KCNQ1: variants seen among roughly 807,000 people sequenced by gnomAD.
The protein encoded by KCNQ1 is potassium voltage-gated channel subfamily KQT member 1.
A neutral mutation model predicts 72.4 loss-of-function variants in KCNQ1; 49 were observed. The observed-to-expected ratio is 0.68, with a 90% CI of 0.54 to 0.86. The LOEUF (loss-of-function observed/expected upper bound fraction) is 0.86, where lower values mean the gene tolerates loss of function less well. Ranked by LOEUF, KCNQ1 falls within the 40% of genes least tolerant of loss-of-function variation. The pLI is 0.00. For synonymous variants in KCNQ1, 450 were observed against 412.6 expected, an observed-to-expected ratio of 1.09 and a Z score of -1.10; for missense variants, 790 against 945.1, an observed-to-expected ratio of 0.84 and a Z score of 2.15.
intron 12 of KCNQ1, among the ~76,000 whole-genome samples, chr11:2,770,122 C>T (rs1437179421): frequency 6.6e-6 from 1 of 152,170 alleles, no homozygotes; most frequent in Non-Finnish European, 1.5e-5. Context: ...GGTCCCCCTG[C>T]AGCCATGTCT....
chr11:2,450,037 G>C lies in KCNQ1; in HGVS notation c.386+4553G>C, dbSNP rs902097940. Among the ~76,000 whole-genome samples the C allele has an allele frequency of 6.6e-6, 1 of 152,190 alleles. No homozygotes were observed. The highest frequency in any genetic ancestry group is 1.5e-5 in the Non-Finnish European group (1 of 68,016). On this transcript the variant is annotated intron_variant, in intron 1 of 15. Coordinates refer to ENST00000155840, the MANE Select transcript of KCNQ1 (RefSeq NM_000218.3). The surrounding 1 kb of genome is among the most constrained non-coding windows in gnomAD (Gnocchi z 7.9). Reference sequence around the variant, plus strand: ...GTGCAGATGCACACGTCCTGGTCCTGAGCCCCTGCTCGGCCCTAGGCAGGG... The same window carrying C: ...GTGCAGATGCACACGTCCTGGTCCTCAGCCCCTGCTCGGCCCTAGGCAGGG...
At chr11:2,812,358 T>A (rs1025872846) in intron 15 of KCNQ1, among the ~76,000 whole-genome samples, 2 of 151,790 alleles carry the variant, frequency 1.3e-5, no homozygotes, top group African/African-American at 4.8e-5. Flanking sequence ...CCCTGAGACC[T>A]GGGACGCCGA....
At chr11:2,699,050 G>C in intron 11 of KCNQ1, 1 of 398,554 alleles carries the variant, frequency 2.5e-6, no homozygotes, top group Non-Finnish European at 4.4e-6. Context: ...GTCCCAATTC[G>C]GGCTTTGACT....
In KCNQ1 at chr11:2,654,290, TGA is replaced by T. The variant is rs766629068; in HGVS notation, c.1394-7667_1394-7666del. On this transcript the variant is annotated intron_variant, in intron 10 of 15. Coordinates refer to ENST00000155840, the MANE Select transcript of KCNQ1 (RefSeq NM_000218.3). The surrounding 1 kb of genome is among the most constrained non-coding windows in gnomAD (Gnocchi z 6.4). ...ATCCGCAGGGCTTTGGTGAATCCAC[TGA>T]GAGGGGGAGATTTCTTGAGGGGGCC... 5 of 397,366 alleles carry T rather than the reference TGA, an allele frequency of 1.3e-5. No individual in the cohort carries two copies. The highest frequency in any genetic ancestry group is 6.2e-5 in the African/African-American group (3 of 48,324). The allele number at this position is 397,366 out of a possible 1,614,324, so 24.6% of individuals were successfully genotyped here.
chr11:2,622,179 CTG>C, intron 10 of KCNQ1: 1 of 398,358 alleles, frequency 2.5e-6, no homozygotes, highest in Admixed American at 4.4e-5. Context: ...TATTGTAGAA[CTG>C]TCTTTCTCAC....
At position 2,778,037 on chromosome 11, in the gene KCNQ1, G is replaced by A. The variant is rs794728539; in HGVS notation, c.1794G>A (p.Lys598=). The A allele has an allele frequency of 1.9e-6, 3 of 1,613,596 alleles. No homozygotes were observed. Among genetic ancestry groups the A allele is most frequent in the Non-Finnish European group, 2.5e-6 (3 of 1,179,990 alleles). Residue 598 remains lysine, a splice_region_variant and synonymous_variant, in exon 15 of 16, where the codon AAG becomes AAA. Transcript: ENST00000155840. ...IGARLNRVED[K]VTQLDQRLAL... is the part of the protein sequence containing the mutation. ...CCCGCCTGAACCGAGTAGAAGACAAGGTAGGCTCACGCGCCGGCCTGCGGT... is the reference window on the plus strand; with the variant it reads ...CCCGCCTGAACCGAGTAGAAGACAAAGTAGGCTCACGCGCCGGCCTGCGGT...
chr11:2,655,198 C>T lies in KCNQ1; in HGVS notation c.1394-6763C>T, dbSNP rs1259435670. 5.3e-5 allele frequency: 21 copies of T among 398,542 alleles called. No homozygotes were observed. In the East Asian group the frequency reaches 6.8e-4, roughly 13 times the overall value. The allele number at this position is 398,542 out of a possible 1,614,324, so 24.7% of individuals were successfully genotyped here. A position where few individuals can be genotyped will look rare whatever the true frequency, so the allele number is the denominator to read the frequency against. The stretch of plus-strand genomic sequence containing the variant: ...TGAGAGGGTGAGACTTGGCAGCCAG[C>T]GTCCCCAGCTGGGGTAGTCGCCACG... On this transcript the variant is annotated intron_variant, in intron 10 of 15. Transcript: ENST00000155840.
intron 11 of KCNQ1, chr11:2,666,329 T>C (rs1850066662): frequency 2.5e-6 from 1 of 398,624 alleles, no homozygotes; most frequent in Admixed American, 4.4e-5. Context: ...ACCAGGTGAC[T>C]GTGAGCACCT....
rs1315688675 is a variant in KCNQ1 at position 2,537,845 on chromosome 11, A to C, written c.477+9827A>C. The stretch of plus-strand genomic sequence containing the variant: ...GTGTTCCCACTTCAGCCTCCTGAGC[A>C]GCTGGGACTGTGGGTGCGTGCCACC... On this transcript the variant is annotated intron_variant, in intron 2 of 15. Coordinates refer to ENST00000155840, the MANE Select transcript of KCNQ1 (RefSeq NM_000218.3). This position sits in a 1 kb window ranked among gnomAD's most constrained non-coding sequence, Gnocchi z 5.2. Among the ~76,000 whole-genome samples, 1 of 152,104 alleles carries C rather than the reference A, an allele frequency of 6.6e-6. No individual in the cohort carries two copies. Among genetic ancestry groups the C allele is most frequent in the Non-Finnish European group, 1.5e-5 (1 of 68,016 alleles).
rs893141107 is a variant in KCNQ1, at chr11:2,579,799, C to T, written c.922-3636C>T. On this transcript the variant is annotated intron_variant, in intron 6 of 15. Transcript: ENST00000155840. The surrounding 1 kb of genome is among the most constrained non-coding windows in gnomAD (Gnocchi z 6.0). The stretch of plus-strand genomic sequence containing the variant: ...CAGCCAGCCAGCAGGAGCCCACGTG[C>T]ACCCAGCTCAGCCCCAGGAGGTGAC... Among the ~76,000 whole-genome samples the T allele has an allele frequency of 6.6e-6, 1 of 152,094 alleles. No individual in the cohort carries two copies. Among genetic ancestry groups the T allele is most frequent in the African/African-American group, 2.4e-5 (1 of 41,432 alleles).
intron 1 of KCNQ1, 21 bp downstream of exon 1, chr11:2,445,505 C>CG (rs1846024940): frequency 1.9e-6 from 3 of 1,588,108 alleles, no homozygotes; most frequent in Non-Finnish European, 2.6e-6. Context: ...CCACCGGCGA[C>CG]GGCCGGCACG....
At chr11:2,560,134 G>C (rs28451516) in intron 2 of KCNQ1, among the ~76,000 whole-genome samples, 9 of 101,828 alleles carry the variant, frequency 8.8e-5, no homozygotes, top group Non-Finnish European at 8.3e-5. Flanking sequence ...TCAGACATGG[G>C]GGGGAGATGT....
In KCNQ1 at chr11:2,668,063, G is replaced by A. The variant is rs1307465316; in HGVS notation, c.1514+5982G>A. ...TGCCCACATTTGAACTTTATGCGGTGGGAATGATGCAACTCATACACCTTT... is the reference window on the plus strand; with the variant it reads ...TGCCCACATTTGAACTTTATGCGGTAGGAATGATGCAACTCATACACCTTT... On this transcript the variant is annotated intron_variant, in intron 11 of 15. Transcript: ENST00000155840. The surrounding 1 kb of genome is among the most constrained non-coding windows in gnomAD (Gnocchi z 4.3). 5.0e-6 allele frequency: 2 copies of A among 398,474 alleles called. No homozygotes were observed. The highest frequency in any genetic ancestry group is 8.8e-6 in the Non-Finnish European group (2 of 226,082). The allele number at this position is 398,474 out of a possible 1,614,324, so 24.7% of individuals were successfully genotyped here. A position where few individuals can be genotyped will look rare whatever the true frequency, so the allele number is the denominator to read the frequency against.
In KCNQ1 at chr11:2,567,795, G is replaced by A. The variant is rs1304429656; in HGVS notation, c.478-2833G>A. Reference sequence around the variant, plus strand: ...AGGCAGGAGTCCTGCCATCTTCGAAGGCCAGCCCCTAAACAGGTTCCCTGA... The same window carrying A: ...AGGCAGGAGTCCTGCCATCTTCGAAAGCCAGCCCCTAAACAGGTTCCCTGA... On this transcript the variant is annotated intron_variant, in intron 2 of 15. Transcript: ENST00000155840. This position sits in a 1 kb window ranked among gnomAD's most constrained non-coding sequence, Gnocchi z 6.6. Among the ~76,000 whole-genome samples, 1 of 152,162 alleles carries A rather than the reference G, an allele frequency of 6.6e-6. No homozygotes were observed. The highest frequency in any genetic ancestry group is 1.5e-5 in the Non-Finnish European group (1 of 68,034).
chr11:2,656,415 C>G (rs41517049), intron 10 of KCNQ1: 5,124 of 398,664 alleles, frequency 0.013, 159 homozygotes, highest in East Asian at 0.079. Flanking sequence ...CCCTTTCACT[C>G]TGAGCCCTTC....
intron 11 of KCNQ1, among the ~76,000 whole-genome samples, chr11:2,749,641 C>CAAAAAAAAAAAAAA: frequency 1.1e-5 from 1 of 87,122 alleles, no homozygotes; most frequent in Non-Finnish European, 2.5e-5. Context: ...ACTAAAAATA[C>CAAAAAAAAAAAAAA]AAAAAAAAAA....
At position 2,547,020 on chromosome 11, in the gene KCNQ1, A is replaced by G. The variant is rs1369130881; in HGVS notation, c.477+19002A>G. Among the ~76,000 whole-genome samples the G allele has an allele frequency of 6.6e-6, 1 of 152,210 alleles. No individual in the cohort carries two copies. The highest frequency in any genetic ancestry group is 2.4e-5 in the African/African-American group (1 of 41,442). On this transcript the variant is annotated intron_variant, in intron 2 of 15. Transcript: ENST00000155840. This position sits in a 1 kb window ranked among gnomAD's most constrained non-coding sequence, Gnocchi z 4.2. Reference sequence around the variant, plus strand: ...AAAACTTGTTTTTCATATGAAGCATATAGTTGAGTCTTATTTTGTGAGTCA... The same window carrying G: ...AAAACTTGTTTTTCATATGAAGCATGTAGTTGAGTCTTATTTTGTGAGTCA...
Position 2,699,650 on chromosome 11 carries a change from G to A in KCNQ1, c.1514+37569G>A, listed in dbSNP as rs562303169. On this transcript the variant is annotated intron_variant, in intron 11 of 15. Coordinates refer to ENST00000155840, the MANE Select transcript of KCNQ1 (RefSeq NM_000218.3). The stretch of plus-strand genomic sequence containing the variant: ...CCGAAGAACCCCCGGGGACAACCGC[G>A]CCGAAGAACCCCCGGGGAGAACCGC... 383 of 358,680 alleles carry A rather than the reference G, an allele frequency of 1.1e-3. 2 individuals are homozygous for A. Among genetic ancestry groups the A allele is most frequent in the African/African-American group, 7.5e-3 (353 of 47,228 alleles). The allele number at this position is 358,680 out of a possible 1,614,324, so 22.2% of individuals were successfully genotyped here. A position where few individuals can be genotyped will look rare whatever the true frequency, so the allele number is the denominator to read the frequency against.
intron 15 of KCNQ1, among the ~76,000 whole-genome samples, chr11:2,796,799 C>T (rs1200786779): frequency 6.6e-6 from 1 of 152,236 alleles, no homozygotes; most frequent in African/African-American, 2.4e-5. Context: ...CCCACACAAG[C>T]CCCCACTGCT....
Sources: allele counts gnomAD v4.1 joint callset (sites outside exome capture counted in the v4.1 genomes callset), GRCh38; gene constraint gnomAD v4.1.1; non-coding constraint Gnocchi (gnomAD v3.1); transcripts MANE v1.5; gene names NCBI Gene and HGNC (gene_info 2026-07-23, HGNC 2026-07-21).